Variants in PCDHGA1 observed in about 807,000 individuals in gnomAD.
PCDHGA1 encodes protocadherin gamma subfamily A, 1, also known as protocadherin gamma-A1.
A neutral mutation model predicts 58.0 loss-of-function variants in PCDHGA1; 32 were observed. That is an observed-to-expected ratio of 0.55 (90% confidence interval 0.42 to 0.74). The LOEUF (loss-of-function observed/expected upper bound fraction) is 0.74, where lower values mean the gene tolerates loss of function less well. Among genes scored for constraint, PCDHGA1 ranks in the 30% least tolerant of loss-of-function variants. The pLI is 0.00. For missense variants in PCDHGA1, 1,205 were observed against 1,182.3 expected, an observed-to-expected ratio of 1.02 and a Z score of -0.28; for synonymous variants, 498 against 501.1, an observed-to-expected ratio of 0.99 and a Z score of 0.08.
chr5:141,498,940 A>G (rs527366029), intron 2 of PCDHGA1, among the ~76,000 whole-genome samples: 57 of 140,142 alleles, frequency 4.1e-4, no homozygotes, highest in Non-Finnish European at 7.3e-4. Flanking sequence ...CAGGAAAGAA[A>G]GAAAGAAAAA....
At chr5:141,344,418 A>G (rs1588458780) in intron 1 of PCDHGA1, 1 of 1,612,616 alleles carries the variant, frequency 6.2e-7, no homozygotes, top group Admixed American at 1.7e-5. Context: ...TATTAATGAT[A>G]ATGCTCCTAA....
chr5:141,390,016 T>G (rs768656280), intron 1 of PCDHGA1: 2 of 1,613,978 alleles, frequency 1.2e-6, no homozygotes, highest in East Asian at 4.5e-5. Context: ...GCCATTGCCT[T>G]GCGCCTGCGA....
intron 1 of PCDHGA1, among the ~76,000 whole-genome samples, chr5:141,387,296 C>T (rs2090893790): frequency 6.6e-6 from 1 of 152,134 alleles, no homozygotes; most frequent in Non-Finnish European, 1.5e-5. Flanking sequence ...TAAAATGTAT[C>T]CAGTATATTT....
At chr5:141,400,079 C>A in intron 1 of PCDHGA1, 1 of 1,614,042 alleles carries the variant, frequency 6.2e-7, no homozygotes, top group East Asian at 2.2e-5. Flanking sequence ...CCGCCACTCT[C>A]CGCCACCGCC....
At position 141,368,129 on chromosome 5, in the gene PCDHGA1, C is replaced by A. The variant is rs1188754487; in HGVS notation, c.2421+35024C>A. ...TGTTTCTTATTAAAATATTCTTAAT[C>A]CTTCAAATTTTGTACTTTTAAAACC... On this transcript the variant is annotated intron_variant, in intron 1 of 3. Transcript: ENST00000517417. Among the ~76,000 whole-genome samples, 9 of 152,216 alleles carry A rather than the reference C, an allele frequency of 5.9e-5. No individual in the cohort carries two copies. In the South Asian group the frequency reaches 1.2e-3, roughly 21 times the overall value.
intron 1 of PCDHGA1, chr5:141,340,154 G>A (rs1398115287): frequency 6.2e-7 from 1 of 1,614,188 alleles, no homozygotes; most frequent in East Asian, 2.2e-5. Context: ...TTTTAAGTTA[G>A]AAAAGTCAGT....
rs143295636 is a variant in PCDHGA1, at chr5:141,338,513, C to T, written c.2421+5408C>T. Among the ~76,000 whole-genome samples, 12 of 152,296 alleles carry T rather than the reference C, an allele frequency of 7.9e-5. No individual in the cohort carries two copies. In the East Asian group the frequency reaches 1.9e-3, roughly 24 times the overall value. On this transcript the variant is annotated intron_variant, in intron 1 of 3. Transcript: ENST00000517417. ...TGCCTTGAGCAGTCAATAATACTTT[C>T]CTAGCAACTATTATCAAGATCATGT...
intron 1 of PCDHGA1, chr5:141,361,959 G>A: frequency 6.2e-7 from 1 of 1,602,806 alleles, no homozygotes; most frequent in Non-Finnish European, 8.5e-7. Flanking sequence ...CCTACCACGT[G>A]CTGCAGGCCA....
At chr5:141,422,891 A>G in intron 1 of PCDHGA1, 3 of 1,614,192 alleles carry the variant, frequency 1.9e-6, no homozygotes, top group Non-Finnish European at 2.5e-6. Context: ...TTCGTGCTGG[A>G]CCAGAACGAC....
intron 1 of PCDHGA1, chr5:141,430,796 C>T (rs1347347402): frequency 6.6e-6 from 10 of 1,522,232 alleles, no homozygotes; most frequent in Non-Finnish European, 8.8e-6. Flanking sequence ...CTACAAAGGG[C>T]TTGTCCTGCT....
At chr5:141,492,242 C>G (rs2099738685) in intron 1 of PCDHGA1, among the ~76,000 whole-genome samples, 1 of 152,190 alleles carries the variant, frequency 6.6e-6, no homozygotes, top group Admixed American at 6.5e-5. Flanking sequence ...GCTGGCCACC[C>G]CCACGGCCCA....
rs368168278 is a variant in PCDHGA1, at chr5:141,419,810, C to T, written c.2422-74997C>T. On this transcript the variant is annotated intron_variant, in intron 1 of 3. Coordinates refer to ENST00000517417, the MANE Select transcript of PCDHGA1 (RefSeq NM_018912.3). ...GCTAGTCGCTGTAAGAGATGGAGGA[C>T]AGCCACCCCTTTCAGCCACTGCCAC... The T allele has an allele frequency of 3.1e-6, 5 of 1,613,946 alleles. No individual in the cohort carries two copies. The Admixed American group carries it at 8.3e-5, about 27-fold the overall frequency.
At chr5:141,510,124 A>G (rs2099879540) in intron 3 of PCDHGA1, among the ~76,000 whole-genome samples, 1 of 152,156 alleles carries the variant, frequency 6.6e-6, no homozygotes, top group Admixed American at 6.5e-5. Context: ...AAATACAAAA[A>G]TTAGCTGGGC....
In PCDHGA1 at chr5:141,399,479, C is replaced by T. The variant is rs774561101; in HGVS notation, c.2421+66374C>T. 3 of 1,614,032 alleles carry T rather than the reference C, an allele frequency of 1.9e-6. No individual in the cohort carries two copies. In the Admixed American group the frequency reaches 5.0e-5, roughly 27 times the overall value. On this transcript the variant is annotated intron_variant, in intron 1 of 3. Transcript: ENST00000517417. ...GATAACGCTCCGGTTTTCCACCAGG[C>T]GTCCTACTTAGTCAGTGTACCCGAA...
At chr5:141,355,987 A>G (rs775400390) in intron 1 of PCDHGA1, 2 of 1,613,824 alleles carry the variant, frequency 1.2e-6, no homozygotes, top group Non-Finnish European at 1.7e-6. Context: ...TCGGCTACTC[A>G]CCGTAAAAGC....
chr5:141,477,037 G>A lies in PCDHGA1; in HGVS notation c.2422-17770G>A. ...TTGTAACCGGGATGCTGACAATCAAGGGTCGGCTGGACTTCGAGGACACCA... is the reference window on the plus strand; with the variant it reads ...TTGTAACCGGGATGCTGACAATCAAAGGTCGGCTGGACTTCGAGGACACCA... On this transcript the variant is annotated intron_variant, in intron 1 of 3. Coordinates refer to ENST00000517417, the MANE Select transcript of PCDHGA1 (RefSeq NM_018912.3). This position sits in a 1 kb window ranked among gnomAD's most constrained non-coding sequence, Gnocchi z 4.9. 6.2e-7 allele frequency: 1 copy of A among 1,614,266 alleles called. No individual in the cohort carries two copies. The highest frequency in any genetic ancestry group is 8.5e-7 in the Non-Finnish European group (1 of 1,180,052).
chr5:141,398,525 T>A, intron 1 of PCDHGA1: 1 of 1,613,440 alleles, frequency 6.2e-7, no homozygotes, highest in Non-Finnish European at 8.5e-7. Flanking sequence ...ACGCCAAAAT[T>A]CACGCAAAAT....
intron 1 of PCDHGA1, chr5:141,345,461 C>G: frequency 1.2e-6 from 2 of 1,614,160 alleles, no homozygotes; most frequent in Non-Finnish European, 1.7e-6. Flanking sequence ...CAGTGACAGC[C>G]CAGGACCCAG....
chr5:141,332,007 A>G lies in PCDHGA1; in HGVS notation c.1323A>G (p.Leu441=). The change falls in exon 1 of 4, where the codon CTA becomes CTG. Residue 441 remains leucine, a synonymous_variant. Transcript: ENST00000517417. The surrounding 1 kb of genome is among the most constrained non-coding windows in gnomAD (Gnocchi z 4.6). ...ALSTETHISL[L]VTDINDNSPV... ...CTACTGAAACTCACATTTCACTACTAGTGACAGATATCAATGACAACTCCC... is the reference window on the plus strand; with the variant it reads ...CTACTGAAACTCACATTTCACTACTGGTGACAGATATCAATGACAACTCCC... 6.2e-7 allele frequency: 1 copy of G among 1,614,132 alleles called. No individual in the cohort carries two copies. The highest frequency in any genetic ancestry group is 8.5e-7 in the Non-Finnish European group (1 of 1,180,022).
Sources: gnomAD v4.1 joint callset for allele counts (sites outside exome capture counted in the v4.1 genomes callset) on GRCh38, gnomAD v4.1.1 for gene constraint, Gnocchi (gnomAD v3.1) non-coding constraint, MANE v1.5 for transcripts, NCBI Gene and HGNC (gene_info 2026-07-23, HGNC 2026-07-21) for gene names.